Variants in MYH15 observed in about 807,000 individuals in gnomAD.
MYH15 encodes myosin heavy chain 15.
MYH15 carries 227 observed loss-of-function variants against 240.5 expected under a neutral mutation model. That is an observed-to-expected ratio of 0.94 (90% CI 0.85 to 1.05). The LOEUF is 1.05. MYH15 is among the 50% of genes least tolerant of loss of function. The pLI, the probability that MYH15 is intolerant of heterozygous loss-of-function variation, is 0.00. For synonymous variants in MYH15, 785 were observed against 796.7 expected (o/e 0.99, Z 0.25); for missense variants, 2,217 against 2,247.5 (o/e 0.99, Z 0.27).
At position 108,463,177 on chromosome 3, in the gene MYH15, C is replaced by T. The variant is rs1265813043; in HGVS notation, c.1798G>A (p.Val600Ile). ...KDLLNETVVA[V>I]FQKSSNRLLA... is the part of the protein sequence containing the mutation. The stretch of plus-strand genomic sequence containing the variant: ...AGTCTGTTGGAAGACTTCTGAAATA[C>T]AGCTACCACTGTTTCATTAAGGAGG... The change falls in exon 16 of 41, where the codon GTA becomes ATA. Residue 600 changes from valine (V) to isoleucine (I), a missense_variant. Physicochemically the swap from Val to Ile is conservative, Grantham distance 29. Coordinates refer to ENST00000693548, the MANE Select transcript of MYH15 (RefSeq NM_014981.3). The T allele has an allele frequency of 5.0e-6, 8 of 1,613,336 alleles. No individual in the cohort carries two copies. The highest frequency in any genetic ancestry group is 6.8e-6 in the Non-Finnish European group (8 of 1,179,536).
upstream of MYH15, among the ~76,000 whole-genome samples, chr3:108,512,599 A>G (rs190550061): frequency 6.6e-6 from 1 of 152,216 alleles, no homozygotes; most frequent in Non-Finnish European, 1.5e-5. Flanking sequence ...CTGAGTAGTG[A>G]GAGAAGGAGA....
chr3:108,498,293 A>G, intron 5 of MYH15, 148 bp from the exon 6 acceptor site: 1 of 674,408 alleles, frequency 1.5e-6, no homozygotes, highest in Non-Finnish European at 2.5e-6. Context: ...ATATATTGAC[A>G]TTTAATTGGT....
chr3:108,467,592 G>A (rs1174504035), intron 14 of MYH15, among the ~76,000 whole-genome samples: 2 of 152,054 alleles, frequency 1.3e-5, no homozygotes, highest in Non-Finnish European at 2.9e-5. Flanking sequence ...TCCCAATATC[G>A]TGAGAAATTT....
At chr3:108,529,603 A>G (rs1032893313), upstream of MYH15, among the ~76,000 whole-genome samples, 25 of 152,314 alleles carry the variant, frequency 1.6e-4, no homozygotes, top group Middle Eastern at 3.4e-3. Context: ...TGACTGAGAC[A>G]TTTTCTTCCA....
At position 108,439,794 on chromosome 3, in the gene MYH15, C is replaced by G; in HGVS notation, c.3018G>C (p.Glu1006Asp). ...QQTLDDLHMEEEKLSSLSKAN... is the reference protein window; with the variant it reads ...QQTLDDLHMEDEKLSSLSKAN... ...CTTTGCTCAGGCTGCTGAGCTTCTC[C>G]TCCTCCATGTGCAGGTCATCCAGGG... Residue 1006 changes from glutamate (E) to aspartate (D), a missense_variant, in exon 24 of 41, where the codon GAG becomes GAC. Glu to Asp is a conservative substitution (Grantham distance 45). Transcript: ENST00000693548. 6.2e-7 allele frequency: 1 copy of G among 1,612,776 alleles called. No homozygotes were observed. The highest frequency in any genetic ancestry group is 8.5e-7 in the Non-Finnish European group (1 of 1,179,468).
chr3:108,532,832 G>C (rs9853745), upstream of MYH15, among the ~76,000 whole-genome samples: 2,916 of 152,230 alleles, frequency 0.019, 105 homozygotes, highest in African/African-American at 0.067. Context: ...ATAACATCAA[G>C]GCCATGCCTA....
intron 7 of MYH15, among the ~76,000 whole-genome samples, chr3:108,495,094 A>C (rs964988951): frequency 2.6e-4 from 40 of 152,208 alleles, no homozygotes; most frequent in African/African-American, 9.4e-4. Context: ...AAACTAGCCA[A>C]ATCGGCATGA....
intron 31 of MYH15, 116 bp downstream of exon 31, chr3:108,410,467 A>G (rs2082580328): frequency 1.6e-6 from 1 of 642,450 alleles, no homozygotes; most frequent in Non-Finnish European, 2.5e-6. Flanking sequence ...AAGTATAAAA[A>G]TTGAAAAGTT....
chr3:108,492,436 C>T, intron 9 of MYH15, 64 bp downstream of exon 9: 2 of 1,196,902 alleles, frequency 1.7e-6, no homozygotes, highest in Non-Finnish European at 2.4e-6. Context: ...ACTTTTTCAT[C>T]CCCCAAATAT....
chr3:108,430,826 G>C lies in MYH15; in HGVS notation c.3312+6C>G. 1 of 1,603,494 alleles carries C rather than the reference G, an allele frequency of 6.2e-7. No homozygotes were observed. Among genetic ancestry groups the C allele is most frequent in the Non-Finnish European group, 8.5e-7 (1 of 1,172,872 alleles). ...AAATACACAGGCATATTTGATAATT[G>C]ATTACCTGAAGCTCTTTAACCGTCT... On this transcript the variant is annotated splice_donor_region_variant and intron_variant, in intron 26 of 40. Coordinates refer to ENST00000693548, the MANE Select transcript of MYH15 (RefSeq NM_014981.3).
chr3:108,439,860 A>T lies in MYH15; in HGVS notation c.2952T>A (p.Leu984=), dbSNP rs1160712417. The T allele has an allele frequency of 6.2e-7, 1 of 1,611,784 alleles. No individual in the cohort carries two copies. The highest frequency in any genetic ancestry group is 1.3e-5 in the African/African-American group (1 of 74,936). ...CCTGCACAACCTTGGCTGCTCTGTT[A>T]AGTTTGCTGATATCCTCATTTAGAA... ...VEFLNEDISK[L]NRAAKVVQEA... is the part of the protein sequence containing the mutation. Residue 984 remains leucine, a synonymous_variant, in exon 24 of 41, where the codon CTT becomes CTA. Transcript: ENST00000693548.
At chr3:108,538,499 T>A in the MYH15 span, among the ~76,000 whole-genome samples, 1 of 152,192 alleles carries the variant, frequency 6.6e-6, no homozygotes, top group Admixed American at 6.5e-5. Flanking sequence ...CTTGCATCAA[T>A]TATACTTAAT....
intron 11 of MYH15, among the ~76,000 whole-genome samples, chr3:108,483,503 GAA>G (rs1450178683): frequency 6.6e-6 from 1 of 151,878 alleles, no homozygotes; most frequent in Non-Finnish European, 1.5e-5. Context: ...TGGTGAAAAT[GAA>G]AAGAGGTATG....
intron 3 of MYH15, among the ~76,000 whole-genome samples, chr3:108,501,418 G>T (rs558826469): frequency 1.3e-5 from 2 of 152,188 alleles, no homozygotes; most frequent in East Asian, 3.8e-4. Context: ...TATAGATAAG[G>T]CAACTTCAAG....
intron 6 of MYH15, 149 bp downstream of exon 6, chr3:108,497,903 G>A (rs2083404484): frequency 1.6e-6 from 1 of 606,076 alleles, no homozygotes; most frequent in South Asian, 2.1e-5. Context: ...AAGGACCAAA[G>A]GAAATATTTA....
At chr3:108,530,792 T>A (rs190006347), upstream of MYH15, among the ~76,000 whole-genome samples, 1 of 152,002 alleles carries the variant, frequency 6.6e-6, no homozygotes, top group East Asian at 1.9e-4. Context: ...ACAGCTTAAA[T>A]GAGAAGAAAA....
In MYH15 at chr3:108,389,116, G is replaced by C. The variant is rs1210311086; in HGVS notation, c.5431-42C>G. 3.2e-6 allele frequency: 5 copies of C among 1,553,942 alleles called. No individual in the cohort carries two copies. In the African/African-American group the frequency reaches 5.4e-5, roughly 17 times the overall value. On this transcript the variant is annotated intron_variant, in intron 37 of 40. Coordinates refer to ENST00000693548, the MANE Select transcript of MYH15 (RefSeq NM_014981.3). The stretch of plus-strand genomic sequence containing the variant: ...ACCTCAGACCAGACGCTGCCACCAA[G>C]TCTGGCATTCTATTTGCTGATTGGC...
chr3:108,501,031 T>C (rs1188674460), intron 3 of MYH15, among the ~76,000 whole-genome samples: 1 of 152,180 alleles, frequency 6.6e-6, no homozygotes, highest in Non-Finnish European at 1.5e-5. Context: ...GCCTCCAGCA[T>C]TGTAAGAGAA....
intron 2 of MYH15, among the ~76,000 whole-genome samples, chr3:108,503,691 A>G (rs1358490965): frequency 6.6e-6 from 1 of 152,220 alleles, no homozygotes; most frequent in Non-Finnish European, 1.5e-5. Context: ...TAATTCTTAT[A>G]TGTTGCTGGT....
Sources: allele counts gnomAD v4.1 joint callset (sites outside exome capture counted in the v4.1 genomes callset), GRCh38; gene constraint gnomAD v4.1.1; transcripts MANE v1.5; gene names NCBI Gene and HGNC (gene_info 2026-07-23, HGNC 2026-07-21).